STK32C: variants seen among roughly 807,000 people sequenced by gnomAD.
The protein encoded by STK32C is serine/threonine kinase 32C.
Under a neutral mutation model 56.5 loss-of-function variants are expected in STK32C, and 31 were observed. The ratio of observed to expected loss-of-function variants is 0.55; its 90% CI spans 0.41 to 0.74. The LOEUF is 0.74. Among genes scored for constraint, STK32C ranks in the 30% least tolerant of loss-of-function variants. STK32C has a pLI of 0.00. For missense variants in STK32C, 544 were observed against 676.9 expected (o/e 0.80, Z 2.18); for synonymous variants, 309 against 289.4 (o/e 1.07, Z -0.69).
chr10:132,246,164 G>T (rs996826194), intron 1 of STK32C, among the ~76,000 whole-genome samples: 2 of 152,220 alleles, frequency 1.3e-5, no homozygotes, highest in African/African-American at 4.8e-5. Flanking sequence ...CTTGGGTCTT[G>T]CACGTCCTAC....
intron 10 of STK32C, among the ~76,000 whole-genome samples, chr10:132,221,332 A>G: frequency 6.8e-6 from 1 of 145,994 alleles, no homozygotes; most frequent in African/African-American, 2.6e-5. Context: ...CCACACACAC[A>G]ACTGATGCTG....
upstream of STK32C, among the ~76,000 whole-genome samples, chr10:132,311,620 C>T (rs537407836): frequency 2.6e-5 from 4 of 152,194 alleles, no homozygotes; most frequent in South Asian, 2.1e-4. The surrounding 1 kb of genome is among the most constrained non-coding windows in gnomAD (Gnocchi z 4.4). Context: ...AAGGAGCCCT[C>T]GCCCCCACTG....
intron 1 of STK32C, among the ~76,000 whole-genome samples, chr10:132,288,808 C>G (rs2065486712): frequency 1.3e-5 from 2 of 152,096 alleles, no homozygotes; most frequent in African/African-American, 4.8e-5. Flanking sequence ...TTAAAGAAGA[C>G]CTCAATAAAT....
At chr10:132,331,910 AC>A, upstream of STK32C, 1 of 793,294 alleles carries the variant, frequency 1.3e-6, no homozygotes, top group Non-Finnish European at 1.8e-6. Context: ...GCGCAGGCGC[AC>A]CACAACCCCC....
intron 10 of STK32C, among the ~76,000 whole-genome samples, chr10:132,213,097 T>TA (rs1359223405): frequency 6.6e-6 from 1 of 152,224 alleles, no homozygotes; most frequent in African/African-American, 2.4e-5. Context: ...TTCCTGGCTC[T>TA]GGCATGGGAT....
chr10:132,240,295 T>C (rs1200628948), intron 2 of STK32C, among the ~76,000 whole-genome samples: 1 of 152,186 alleles, frequency 6.6e-6, no homozygotes, highest in Non-Finnish European at 1.5e-5. Flanking sequence ...AACCAGCTCC[T>C]CCCGGCGTGG....
chr10:132,217,360 C>A (rs1267498918), intron 10 of STK32C, among the ~76,000 whole-genome samples: 1 of 152,210 alleles, frequency 6.6e-6, no homozygotes, highest in African/African-American at 2.4e-5. Flanking sequence ...TACCCAGTGC[C>A]TGTACCCCTA....
intron 1 of STK32C, among the ~76,000 whole-genome samples, chr10:132,248,652 C>G (rs1470549020): frequency 6.6e-6 from 1 of 152,240 alleles, no homozygotes; most frequent in Non-Finnish European, 1.5e-5. Flanking sequence ...TCCACGCCCA[C>G]GTGCATGCCT....
At chr10:132,291,779 C>T (rs1324007382) in intron 1 of STK32C, among the ~76,000 whole-genome samples, 1 of 146,678 alleles carries the variant, frequency 6.8e-6, no homozygotes, top group Non-Finnish European at 1.5e-5. Context: ...ACCTGCCTGC[C>T]GTCCTGCACT....
chr10:132,224,843 G>A (rs368360239), intron 7 of STK32C, among the ~76,000 whole-genome samples: 10 of 152,102 alleles, frequency 6.6e-5, no homozygotes, highest in East Asian at 3.9e-4. Context: ...TGAGGGGTAC[G>A]GTCCACAAGA....
intron 1 of STK32C, among the ~76,000 whole-genome samples, chr10:132,256,006 G>C (rs1188141934): frequency 2.0e-5 from 3 of 152,184 alleles, no homozygotes; most frequent in Admixed American, 6.5e-5. Flanking sequence ...GGCATCCCTG[G>C]GCAGCTCCGG....
chr10:132,209,224 G>A (rs922448292), intron 10 of STK32C, 123 bp from the exon 11 acceptor site: 21 of 912,814 alleles, frequency 2.3e-5, no homozygotes, highest in Middle Eastern at 4.2e-4. Context: ...GACGGCCTCT[G>A]GGCTATTGAA....
intron 11 of STK32C, among the ~76,000 whole-genome samples, chr10:132,208,704 T>G (rs1311920258): frequency 1.3e-5 from 2 of 152,094 alleles, no homozygotes; most frequent in East Asian, 3.9e-4. Context: ...TCAGGAAAGG[T>G]CTGCTGAGAG....
At chr10:132,320,543 G>A (rs1175796423), downstream of STK32C, among the ~76,000 whole-genome samples, 1 of 152,134 alleles carries the variant, frequency 6.6e-6, no homozygotes, top group Non-Finnish European at 1.5e-5. Flanking sequence ...CAGAGGCTGG[G>A]GCACGGGGCC....
At chr10:132,252,031 C>T (rs2063928446) in intron 1 of STK32C, among the ~76,000 whole-genome samples, 2 of 152,230 alleles carry the variant, frequency 1.3e-5, no homozygotes, top group South Asian at 4.1e-4. Context: ...CTCCTGGGGC[C>T]TCCGACCCAC....
chr10:132,266,122 A>G (rs1461909926), intron 1 of STK32C, among the ~76,000 whole-genome samples: 2 of 152,266 alleles, frequency 1.3e-5, no homozygotes, highest in Non-Finnish European at 2.9e-5. Context: ...TGTTATATCC[A>G]TACGATGGAA....
At chr10:132,328,939 C>A (rs1350268370) in intron 1 of STK32C, among the ~76,000 whole-genome samples, 1 of 152,206 alleles carries the variant, frequency 6.6e-6, no homozygotes, top group East Asian at 1.9e-4. Context: ...CCTGCCAGAG[C>A]ATGACACACA....
chr10:132,266,196 A>G (rs1359761501), intron 1 of STK32C, among the ~76,000 whole-genome samples: 2 of 152,216 alleles, frequency 1.3e-5, no homozygotes, highest in Non-Finnish European at 2.9e-5. Flanking sequence ...GATGAATCTC[A>G]AAGGTGTTAC....
chr10:132,258,738 G>A (rs1305134059), intron 1 of STK32C, among the ~76,000 whole-genome samples: 6 of 152,198 alleles, frequency 3.9e-5, no homozygotes, highest in East Asian at 1.9e-4. Context: ...GGACTCACAC[G>A]TATTCCCACT....
Sources: gnomAD v4.1 joint callset for allele counts (sites outside exome capture counted in the v4.1 genomes callset) on GRCh38, gnomAD v4.1.1 for gene constraint, Gnocchi (gnomAD v3.1) non-coding constraint, MANE v1.5 for transcripts, NCBI Gene and HGNC (gene_info 2026-07-23, HGNC 2026-07-21) for gene names.